Variants in IQGAP2 observed in about 807,000 individuals in gnomAD.
IQGAP2 encodes ras GTPase-activating-like protein IQGAP2.
A neutral mutation model predicts 201.3 loss-of-function variants in IQGAP2; 173 were observed. That is an observed-to-expected ratio of 0.86 (90% CI 0.76 to 0.98). The LOEUF (loss-of-function observed/expected upper bound fraction) is 0.98. Ranked by LOEUF, IQGAP2 falls within the 50% of genes least tolerant of loss-of-function variation. The probability of loss-of-function intolerance (pLI) is 0.00; values close to 1 mark genes in which losing one functional copy is unlikely to be tolerated. For synonymous variants in IQGAP2, 675 were observed against 673.9 expected, an observed-to-expected ratio of 1.00 and a Z score of -0.03; for missense variants, 1,687 against 1,864.8, an observed-to-expected ratio of 0.90 and a Z score of 1.76.
intron 2 of IQGAP2, among the ~76,000 whole-genome samples, chr5:76,504,472 G>A (rs1757481216): frequency 2.0e-5 from 3 of 152,074 alleles, no homozygotes; most frequent in Admixed American, 2.0e-4. Flanking sequence ...AAAGTCCTGG[G>A]CTTCAGTCTG....
At chr5:76,541,588 T>C (rs1454146664) in intron 2 of IQGAP2, among the ~76,000 whole-genome samples, 1 of 152,234 alleles carries the variant, frequency 6.6e-6, no homozygotes, top group Non-Finnish European at 1.5e-5. Context: ...GTTTCACTTT[T>C]TGAGGAGCCA....
At position 76,703,444 on chromosome 5, in the gene IQGAP2, C is replaced by T. The variant is rs966009105; in HGVS notation, c.4614+854C>T. 9.2e-5 allele frequency among the ~76,000 whole-genome samples: 14 copies of T among 152,264 alleles called. 1 individual carries two copies. Among genetic ancestry groups the T allele is most frequent in the African/African-American group, 1.4e-4 (6 of 41,560 alleles). ...GTGCTGGGATTACAGGCATTAGCCA[C>T]CACACCTGGCCCCTAGAATAGTTTT... On this transcript the variant is annotated intron_variant, in intron 35 of 35. Transcript: ENST00000274364.
intron 5 of IQGAP2, among the ~76,000 whole-genome samples, chr5:76,581,561 G>T (rs186853561): frequency 3.6e-3 from 550 of 152,180 alleles, no homozygotes; most frequent in African/African-American, 0.012. Flanking sequence ...TAGTATGGTG[G>T]TTATGCCTTT....
chr5:76,417,422 C>T (rs963930717), intron 1 of IQGAP2, among the ~76,000 whole-genome samples: 6 of 151,840 alleles, frequency 4.0e-5, no homozygotes, highest in African/African-American at 7.3e-5. Context: ...CCTGAGTAGC[C>T]GAGGTTACAG....
At chr5:76,542,579 A>G (rs1742848157) in intron 2 of IQGAP2, among the ~76,000 whole-genome samples, 2 of 152,234 alleles carry the variant, frequency 1.3e-5, no homozygotes, top group Non-Finnish European at 2.9e-5. Flanking sequence ...CTTCTGTTCT[A>G]CCTAGCTACT....
At chr5:76,610,343 C>T (rs1748273593) in intron 12 of IQGAP2, among the ~76,000 whole-genome samples, 2 of 150,700 alleles carry the variant, frequency 1.3e-5, no homozygotes, top group African/African-American at 4.9e-5. Flanking sequence ...TGCTCAAAAT[C>T]ATTAGTCACT....
intron 5 of IQGAP2, among the ~76,000 whole-genome samples, chr5:76,585,135 G>T (rs62362013): frequency 0.17 from 25,404 of 152,098 alleles, 2,305 homozygotes; most frequent in Admixed American, 0.28. Context: ...ATATTCCACA[G>T]GTGGGAAAGT....
At chr5:76,654,045 T>C (rs1236631340) in intron 18 of IQGAP2, among the ~76,000 whole-genome samples, 155 bp from the exon 19 acceptor site, 1 of 152,248 alleles carries the variant, frequency 6.6e-6, no homozygotes. Flanking sequence ...GAGTAGGCTT[T>C]AGAGATTGAT....
chr5:76,627,599 T>C, intron 14 of IQGAP2, 99 bp downstream of exon 14: 1 of 725,998 alleles, frequency 1.4e-6, no homozygotes, highest in Non-Finnish European at 2.4e-6. Flanking sequence ...TTTGGATTCT[T>C]ACCAAGTTTT....
At chr5:76,604,075 C>T (rs78389527) in intron 11 of IQGAP2, among the ~76,000 whole-genome samples, 1 of 152,018 alleles carries the variant, frequency 6.6e-6, no homozygotes, top group Non-Finnish European at 1.5e-5. Flanking sequence ...GTTTGCTGCA[C>T]CCATCAACCC....
At chr5:76,559,887 C>T (rs755478476) in intron 2 of IQGAP2, among the ~76,000 whole-genome samples, 4 of 152,110 alleles carry the variant, frequency 2.6e-5, no homozygotes, top group Non-Finnish European at 5.9e-5. Context: ...CCAATGGGAA[C>T]GCATCTTGTC....
At chr5:76,464,073 C>T (rs549381703) in intron 2 of IQGAP2, among the ~76,000 whole-genome samples, 24 of 152,230 alleles carry the variant, frequency 1.6e-4, no homozygotes, top group African/African-American at 5.8e-4. Flanking sequence ...GTCTCGAACT[C>T]CTGACCTCAA....
At chr5:76,702,703 C>A (rs1033781751) in intron 35 of IQGAP2, 113 bp downstream of exon 35, 4 of 615,442 alleles carry the variant, frequency 6.5e-6, no homozygotes, top group Non-Finnish European at 8.8e-6. Context: ...AAAACCAGTG[C>A]CAGCCTTATT....
chr5:76,465,751 A>G (rs35862107), intron 2 of IQGAP2, among the ~76,000 whole-genome samples: 8,996 of 152,300 alleles, frequency 0.059, 347 homozygotes, highest in Non-Finnish European at 0.073. Context: ...GCAATAAGCA[A>G]TCTGAAAATG....
chr5:76,546,581 C>G (rs2150226930), intron 2 of IQGAP2, among the ~76,000 whole-genome samples: 1 of 152,272 alleles, frequency 6.6e-6, no homozygotes, highest in South Asian at 2.1e-4. Context: ...GCAGAGAGTA[C>G]CATCTGCTAC....
intron 1 of IQGAP2, among the ~76,000 whole-genome samples, chr5:76,432,533 C>T (rs1037934721): frequency 3.4e-4 from 52 of 152,292 alleles, no homozygotes; most frequent in African/African-American, 1.3e-3. Context: ...TCTAGAGCTA[C>T]ATTTTAAAGG....
At chr5:76,678,852 G>T (rs953884970) in intron 28 of IQGAP2, among the ~76,000 whole-genome samples, 1 of 152,178 alleles carries the variant, frequency 6.6e-6, no homozygotes, top group South Asian at 2.1e-4. Flanking sequence ...TTGAATGTAG[G>T]TTTGAAGGAA....
At chr5:76,529,990 T>C (rs902203506) in intron 2 of IQGAP2, among the ~76,000 whole-genome samples, 3 of 152,154 alleles carry the variant, frequency 2.0e-5, no homozygotes, top group African/African-American at 7.2e-5. Context: ...TTTTTGCAAC[T>C]ATCAATCATG....
intron 2 of IQGAP2, among the ~76,000 whole-genome samples, chr5:76,543,880 G>T (rs1471317293): frequency 1.3e-5 from 2 of 152,106 alleles, no homozygotes; most frequent in Admixed American, 1.3e-4. Flanking sequence ...AGGGTGTGCC[G>T]CAGAAAGAAG....
Sources: allele counts gnomAD v4.1 joint callset (sites outside exome capture counted in the v4.1 genomes callset), GRCh38; gene constraint gnomAD v4.1.1; transcripts MANE v1.5; gene names NCBI Gene and HGNC (gene_info 2026-07-23, HGNC 2026-07-21).